TENT4B: variants seen among roughly 807,000 people sequenced by gnomAD.
TENT4B encodes the protein terminal nucleotidyltransferase 4B.
In TENT4B, 10 loss-of-function variants were observed where a neutral mutation model predicts 75.0. The ratio of observed to expected loss-of-function variants is 0.13; its 90% CI spans 0.08 to 0.23. The LOEUF (loss-of-function observed/expected upper bound fraction) is 0.23. Ranked by LOEUF, TENT4B falls within the 10% of genes least tolerant of loss-of-function variation. The probability of loss-of-function intolerance (pLI) is 1.00; values close to 1 mark genes in which losing one functional copy is unlikely to be tolerated. For synonymous variants in TENT4B, 350 were observed against 357.7 expected (o/e 0.98, Z 0.24); for missense variants, 579 against 893.8 (o/e 0.65, Z 4.49).
In TENT4B at chr16:50,233,385, A is replaced by C. The variant is rs934590651; in HGVS notation, c.*4057A>C. On this transcript the variant is annotated 3_prime_UTR_variant, in exon 12 of 12. Transcript: ENST00000561678. Reference sequence around the variant, plus strand: ...CTTCTCGATATTTAACATAGCTAAGAAGCCAGATTTTACTGTAGAAGTTAT... The same window carrying C: ...CTTCTCGATATTTAACATAGCTAAGCAGCCAGATTTTACTGTAGAAGTTAT... 11 of 985,308 alleles carry C rather than the reference A, an allele frequency of 1.1e-5. No homozygotes were observed. The highest frequency in any genetic ancestry group is 3.6e-6 in the Non-Finnish European group (3 of 829,922). 61.0% of individuals were successfully genotyped at this position (985,308 alleles called of 1,614,324 possible).
At chr16:50,183,784 C>T (rs2038471337) in intron 1 of TENT4B, among the ~76,000 whole-genome samples, 1 of 152,144 alleles carries the variant, frequency 6.6e-6, no homozygotes, top group South Asian at 2.1e-4. Context: ...GTAGCTCATG[C>T]CTGTAATCCC....
intron 1 of TENT4B, among the ~76,000 whole-genome samples, chr16:50,158,673 G>A (rs1488667458): frequency 6.6e-6 from 1 of 152,150 alleles, no homozygotes; most frequent in Non-Finnish European, 1.5e-5. Flanking sequence ...GGTTTCTGTT[G>A]GCTGTACTGC....
chr16:50,233,289 A>ACT lies in TENT4B; in HGVS notation c.*3964_*3965dup, dbSNP rs2032349955. 2.0e-6 allele frequency: 2 copies of ACT among 985,226 alleles called. No individual in the cohort carries two copies. The highest frequency in any genetic ancestry group is 2.4e-6 in the Non-Finnish European group (2 of 829,922). The allele number at this position is 985,226 out of a possible 1,614,324, so 61.0% of individuals were successfully genotyped here. A position where few individuals can be genotyped will look rare whatever the true frequency, so the allele number is the denominator to read the frequency against. ...CTTGCCTTGGTTTCTGACCCTCAAG[A>ACT]CTCTAGCTACCTGCCATCTTGTCAA... is the stretch of plus-strand genomic sequence containing the variant. On this transcript the variant is annotated 3_prime_UTR_variant, in exon 12 of 12. Coordinates refer to ENST00000561678, the MANE Select transcript of TENT4B (RefSeq NM_001365324.3).
At chr16:50,168,467 AT>A (rs61664898) in intron 1 of TENT4B, among the ~76,000 whole-genome samples, 376 of 123,338 alleles carry the variant, frequency 3.0e-3, no homozygotes, top group African/African-American at 3.7e-3. Context: ...CACCCAGCTA[AT>A]TTTTTTTTTT....
At chr16:50,221,410 A>G (rs1238367503) in intron 5 of TENT4B, among the ~76,000 whole-genome samples, 5 of 152,184 alleles carry the variant, frequency 3.3e-5, no homozygotes, top group Admixed American at 3.3e-4. Context: ...AGGTGGACTC[A>G]TTCTGTACAT....
At chr16:50,219,919 A>G (rs1420165568) in intron 5 of TENT4B, among the ~76,000 whole-genome samples, 2 of 151,484 alleles carry the variant, frequency 1.3e-5, no homozygotes, top group African/African-American at 2.4e-5. Context: ...CTTGGGCTCA[A>G]GTGATCCTCC....
chr16:50,213,962 T>A (rs2031419315), intron 2 of TENT4B, among the ~76,000 whole-genome samples: 1 of 152,190 alleles, frequency 6.6e-6, no homozygotes, highest in Non-Finnish European at 1.5e-5. Context: ...ACCAATCTCC[T>A]GCCGATACCA....
At position 50,227,823 on chromosome 16, in the gene TENT4B, A is replaced by T. The variant is rs765239249; in HGVS notation, c.1801-16A>T. The T allele has an allele frequency of 6.2e-7, 1 of 1,613,652 alleles. No homozygotes were observed. Among genetic ancestry groups the T allele is most frequent in the Non-Finnish European group, 8.5e-7 (1 of 1,179,614 alleles). On this transcript the variant is annotated splice_polypyrimidine_tract_variant and intron_variant, in intron 10 of 11. Coordinates refer to ENST00000561678, the MANE Select transcript of TENT4B (RefSeq NM_001365324.3). ...TTACTAATATGTCACATTATAACTC[A>T]CGTGACTTGTGTTAGGATTCCGATG...
intron 1 of TENT4B, among the ~76,000 whole-genome samples, chr16:50,181,184 G>C (rs755757273): frequency 3.3e-5 from 5 of 152,180 alleles, no homozygotes; most frequent in Non-Finnish European, 5.9e-5. Context: ...TTTTTAACTG[G>C]ATTTGTTTTT....
At chr16:50,183,513 TA>T (rs1388210297) in intron 1 of TENT4B, among the ~76,000 whole-genome samples, 8 of 115,534 alleles carry the variant, frequency 6.9e-5, no homozygotes, top group South Asian at 3.2e-4. Context: ...CTTAGTCACT[TA>T]AAAACCCTTT....
chr16:50,213,224 G>A (rs1278125977), intron 2 of TENT4B, among the ~76,000 whole-genome samples: 1 of 152,136 alleles, frequency 6.6e-6, no homozygotes, highest in Non-Finnish European at 1.5e-5. Flanking sequence ...ACACCTGGCT[G>A]ATTTTTGTAA....
intron 1 of TENT4B, among the ~76,000 whole-genome samples, chr16:50,186,198 A>G (rs2038523153): frequency 6.6e-6 from 1 of 152,064 alleles, no homozygotes; most frequent in East Asian, 1.9e-4. Flanking sequence ...TCATTAAACA[A>G]TAGTTTATCA....
chr16:50,202,257 G>GT (rs1276142779), intron 1 of TENT4B, among the ~76,000 whole-genome samples: 2 of 152,074 alleles, frequency 1.3e-5, no homozygotes, highest in African/African-American at 4.8e-5. Context: ...TCTTTTACCT[G>GT]TACTGTAACA....
intron 1 of TENT4B, among the ~76,000 whole-genome samples, chr16:50,201,325 T>G (rs1395954553): frequency 1.3e-5 from 2 of 151,836 alleles, no homozygotes; most frequent in Non-Finnish European, 2.9e-5. Flanking sequence ...TCTCCTGAGG[T>G]CAGGAGTTTG....
At chr16:50,202,068 T>A (rs1430078476) in intron 1 of TENT4B, among the ~76,000 whole-genome samples, 1 of 152,212 alleles carries the variant, frequency 6.6e-6, no homozygotes, top group Non-Finnish European at 1.5e-5. Flanking sequence ...TTGTTTTCAG[T>A]TTCATTATCC....
chr16:50,194,579 C>G (rs1469982948), intron 1 of TENT4B, among the ~76,000 whole-genome samples: 1 of 151,638 alleles, frequency 6.6e-6, no homozygotes, highest in African/African-American at 2.4e-5. Context: ...GAGACAGGGT[C>G]TTGCTCTGTT....
chr16:50,205,439 C>T (rs1489490041), intron 1 of TENT4B, among the ~76,000 whole-genome samples: 1 of 152,032 alleles, frequency 6.6e-6, no homozygotes, highest in African/African-American at 2.4e-5. Context: ...CTGTGCCCTC[C>T]ACTGGGCAAA....
At chr16:50,222,184 AAATT>A (rs1463762333) in intron 5 of TENT4B, 118 bp from the exon 6 acceptor site, 3 of 892,106 alleles carry the variant, frequency 3.4e-6, no homozygotes, top group African/African-American at 3.4e-5. Context: ...TTAAAATAGA[AAATT>A]AAGTATGTTG....
At chr16:50,192,901 A>G (rs2029942539) in intron 1 of TENT4B, among the ~76,000 whole-genome samples, 1 of 152,108 alleles carries the variant, frequency 6.6e-6, no homozygotes, top group South Asian at 2.1e-4. Context: ...GAGCAATGTG[A>G]TGAAACCCTG....
Sources: gnomAD v4.1 joint callset for allele counts (sites outside exome capture counted in the v4.1 genomes callset) on GRCh38, gnomAD v4.1.1 for gene constraint, MANE v1.5 for transcripts, NCBI Gene and HGNC (gene_info 2026-07-23, HGNC 2026-07-21) for gene names.